Variants in PINX1 observed in about 807,000 individuals in gnomAD.
PINX1 encodes the protein PIN2 (TERF1) interacting telomerase inhibitor 1.
In PINX1, 34 loss-of-function variants were observed where a neutral mutation model predicts 25.4. That is an observed-to-expected ratio of 1.34 (90% CI 1.02 to 1.78). The LOEUF (loss-of-function observed/expected upper bound fraction) is 1.78, where lower values mean the gene tolerates loss of function less well. Ranked by LOEUF, PINX1 falls within the 40% of genes most tolerant of loss-of-function variation. The pLI is 0.00. For missense variants in PINX1, 592 were observed against 404.9 expected (o/e 1.46, Z -3.97); for synonymous variants, 197 against 147.7 (o/e 1.33, Z -2.42).
At chr8:10,823,752 C>A (rs1275789359) in intron 5 of PINX1, among the ~76,000 whole-genome samples, 5 of 152,152 alleles carry the variant, frequency 3.3e-5, no homozygotes, top group African/African-American at 1.2e-4. Context: ...CACTTGAGCC[C>A]AGAAGGTCAA....
intron 6 of PINX1, among the ~76,000 whole-genome samples, chr8:10,776,476 T>C (rs1038086269): frequency 2.6e-5 from 4 of 151,746 alleles, no homozygotes; most frequent in Admixed American, 2.0e-4. Context: ...CAAATAAAAA[T>C]TGGTCTTTAA....
intron 6 of PINX1, among the ~76,000 whole-genome samples, chr8:10,774,278 T>C (rs1255752333): frequency 6.6e-6 from 1 of 151,908 alleles, no homozygotes; most frequent in Non-Finnish European, 1.5e-5. Context: ...CTAAAAAGAA[T>C]AAGGTCTTTT....
At chr8:10,776,280 G>A (rs1341569003) in intron 6 of PINX1, among the ~76,000 whole-genome samples, 1 of 151,982 alleles carries the variant, frequency 6.6e-6, no homozygotes, top group African/African-American at 2.4e-5. Context: ...ACAAAAATTA[G>A]CCGGGTGTGG....
Position 10,799,924 on chromosome 8 carries a change from T to C in PINX1, c.471+20269A>G, listed in dbSNP as rs545231656. On this transcript the variant is annotated intron_variant, in intron 6 of 6. Coordinates refer to ENST00000314787, the MANE Select transcript of PINX1 (RefSeq NM_017884.6). ...TCTGAGTTAGTCCTTACTGGGCTAT[T>C]TGTCATTCCACTAGCTGACTGCTAA... Among the ~76,000 whole-genome samples, 47 of 152,332 alleles carry C rather than the reference T, an allele frequency of 3.1e-4. 1 individual carries two copies. The South Asian group carries it at 9.1e-3, about 30-fold the overall frequency.
intron 5 of PINX1, chr8:10,825,492 T>G: frequency 1.9e-6 from 1 of 532,902 alleles, no homozygotes; most frequent in Non-Finnish European, 3.9e-6. Context: ...AAATTGCTTC[T>G]TTCCAATGCA....
In PINX1 at chr8:10,775,046, A is replaced by G. The variant is rs75357181; in HGVS notation, c.472-9130T>C. 4.6e-3 allele frequency among the ~76,000 whole-genome samples: 697 copies of G among 152,314 alleles called. 6 individuals are homozygous for G. The highest frequency in any genetic ancestry group is 0.016 in the African/African-American group (667 of 41,578). On this transcript the variant is annotated intron_variant, in intron 6 of 6. Transcript: ENST00000314787. ...CAACAACAAACCAACTACAAAGCCA[A>G]TTCTACTCAAGAAAAACCCTAACCA...
chr8:10,765,401 T>A lies in PINX1; in HGVS notation c.987A>T (p.Ter329CysextTer88), dbSNP rs768302926. 1.9e-6 allele frequency: 3 copies of A among 1,595,798 alleles called. No homozygotes were observed. Among genetic ancestry groups the A allele is most frequent in the Non-Finnish European group, 2.6e-6 (3 of 1,174,014 alleles). Residue 329 changes from the stop codon to cysteine, a stop_lost, in exon 7 of 7, where the codon TGA (stop) becomes TGT (cysteine). Coordinates refer to ENST00000314787, the MANE Select transcript of PINX1 (RefSeq NM_017884.6). ...TCGGAAGGCCCCGGCTGGGAAGGAT[T>A]CATTTGGAATCTTTCTTCTTCTTCT... ...VKKKKKKDSK[*>C]
rs1549796 is a variant in PINX1 at position 10,834,849 on chromosome 8, C to A, written c.20-74G>T. The A allele has an allele frequency of 1.8e-4, 167 of 948,940 alleles. 2 individuals carry two copies. In the South Asian group the frequency reaches 1.9e-3, roughly 11 times the overall value. The allele number at this position is 948,940 out of a possible 1,614,324, so 58.8% of individuals were successfully genotyped here. ...AATACCACACAAACATACACATGCA[C>A]AACTTTGTGTATTTTATGTATGTAT... On this transcript the variant is annotated intron_variant, in intron 1 of 6. Coordinates refer to ENST00000314787, the MANE Select transcript of PINX1 (RefSeq NM_017884.6).
At chr8:10,809,921 G>A (rs887705205) in intron 6 of PINX1, among the ~76,000 whole-genome samples, 6 of 152,208 alleles carry the variant, frequency 3.9e-5, no homozygotes, top group African/African-American at 1.4e-4. Flanking sequence ...TCACAGTTCT[G>A]CAGGTTGCAT....
At chr8:10,809,337 C>T (rs1802552610) in intron 6 of PINX1, among the ~76,000 whole-genome samples, 1 of 152,208 alleles carries the variant, frequency 6.6e-6, no homozygotes, top group Admixed American at 6.5e-5. Flanking sequence ...AAAGAGTAGC[C>T]TTCCTGTTTC....
rs775571543 is a variant in PINX1 at position 10,839,760 on chromosome 8, G to C, written c.-4C>G. The C allele has an allele frequency of 3.1e-6, 5 of 1,603,954 alleles. No individual in the cohort carries two copies. In the Middle Eastern group the frequency reaches 5.0e-4, roughly 159 times the overall value. ...CACGTTCAGCCAGCATAGACATGTC[G>C]GAGAGCCTGTGATACCGCCGCCTCT... On this transcript the variant is annotated 5_prime_UTR_variant, in exon 1 of 7. Transcript: ENST00000314787.
In PINX1 at chr8:10,811,561, G is replaced by A. The variant is rs117624120; in HGVS notation, c.471+8632C>T. Among the ~76,000 whole-genome samples the A allele has an allele frequency of 3.9e-4, 60 of 152,254 alleles. 1 individual carries two copies. The East Asian group carries it at 9.6e-3, about 24-fold the overall frequency. On this transcript the variant is annotated intron_variant, in intron 6 of 6. Coordinates refer to ENST00000314787, the MANE Select transcript of PINX1 (RefSeq NM_017884.6). ...CCCTATTTCTGTGGGTTAGCAATTCGAGGAAGGGCTGGGCTGGGCAGTCCT... is the reference window on the plus strand; with the variant it reads ...CCCTATTTCTGTGGGTTAGCAATTCAAGGAAGGGCTGGGCTGGGCAGTCCT...
chr8:10,839,875 C>G lies in PINX1; in HGVS notation c.-119G>C. Reference sequence around the variant, plus strand: ...TCCCTCGCCGGCGGACTGCAGCGGACGGGGCGCGTGCTGGTGACGTCAGTA... The same window carrying G: ...TCCCTCGCCGGCGGACTGCAGCGGAGGGGGCGCGTGCTGGTGACGTCAGTA... On this transcript the variant is annotated 5_prime_UTR_variant, in exon 1 of 7. Transcript: ENST00000314787. 2.0e-6 allele frequency: 2 copies of G among 1,011,430 alleles called. No homozygotes were observed. The highest frequency in any genetic ancestry group is 1.6e-5 in the South Asian group (1 of 61,576). The allele number at this position is 1,011,430 out of a possible 1,614,324, so 62.7% of individuals were successfully genotyped here.
chr8:10,790,111 G>C (rs756273449), intron 6 of PINX1, among the ~76,000 whole-genome samples: 15 of 152,070 alleles, frequency 9.9e-5, no homozygotes, highest in Non-Finnish European at 2.2e-4. Flanking sequence ...TCAGGACTCA[G>C]GTTCCCTCCT....
rs1181603286 is a variant in PINX1, at chr8:10,765,233, T to C, written c.*168A>G. On this transcript the variant is annotated 3_prime_UTR_variant, in exon 7 of 7. Coordinates refer to ENST00000314787, the MANE Select transcript of PINX1 (RefSeq NM_017884.6). ...CATTAAAAAGGTCCTCCTGGGAATG[T>C]AACTTGGGGGAAATGTGGCGAGAGG... 5 of 590,674 alleles carry C rather than the reference T, an allele frequency of 8.5e-6. No individual in the cohort carries two copies. The Admixed American group carries it at 1.4e-4, about 16-fold the overall frequency. The allele number at this position is 590,674 out of a possible 1,614,324, so 36.6% of individuals were successfully genotyped here.
chr8:10,773,752 G>A (rs1231766518), intron 6 of PINX1, among the ~76,000 whole-genome samples: 2 of 152,158 alleles, frequency 1.3e-5, no homozygotes, highest in African/African-American at 4.8e-5. Flanking sequence ...GTTCTCTATG[G>A]CAACAGCTTC....
intron 6 of PINX1, among the ~76,000 whole-genome samples, chr8:10,786,810 G>T (rs1294870680): frequency 1.3e-5 from 2 of 152,152 alleles, no homozygotes; most frequent in Non-Finnish European, 2.9e-5. Context: ...CAACTCCCAG[G>T]AACCAACCTG....
chr8:10,810,571 G>A (rs949078177), intron 6 of PINX1, among the ~76,000 whole-genome samples: 1 of 152,140 alleles, frequency 6.6e-6, no homozygotes, highest in Non-Finnish European at 1.5e-5. Context: ...CTCCATGCCA[G>A]GCATAATTCT....
intron 5 of PINX1, 26 bp downstream of exon 5, chr8:10,826,126 A>G: frequency 7.8e-7 from 1 of 1,277,662 alleles, no homozygotes; most frequent in Non-Finnish European, 1.1e-6. Flanking sequence ...GATTTCAATA[A>G]CAAGTAAAGA....
Sources: gnomAD v4.1 joint callset for allele counts (sites outside exome capture counted in the v4.1 genomes callset) on GRCh38, gnomAD v4.1.1 for gene constraint, MANE v1.5 for transcripts, NCBI Gene and HGNC (gene_info 2026-07-23, HGNC 2026-07-21) for gene names.